TRAPPC12: variants seen among roughly 807,000 people sequenced by gnomAD.
TRAPPC12 encodes trafficking protein particle complex subunit 12.
Under a neutral mutation model 69.2 loss-of-function variants are expected in TRAPPC12, and 61 were observed. That is an observed-to-expected ratio of 0.88 (90% CI 0.72 to 1.09). TRAPPC12 has a LOEUF of 1.09. Among genes scored for constraint, TRAPPC12 ranks in the 50% least tolerant of loss-of-function variants. The pLI is 0.00. For synonymous variants in TRAPPC12, 469 were observed against 438.9 expected, an observed-to-expected ratio of 1.07 and a Z score of -0.86; for missense variants, 1,101 against 1,016.4, an observed-to-expected ratio of 1.08 and a Z score of -1.13.
rs199875537 is a variant in TRAPPC12 at position 3,479,202 on chromosome 2, C to T, written c.1966-17C>T. Reference sequence around the variant, plus strand: ...CCTGGTTGTGTGGGCCAACCCTGGGCGTGTGCTCCTCCCTAGGCCAACAAC... The same window carrying T: ...CCTGGTTGTGTGGGCCAACCCTGGGTGTGTGCTCCTCCCTAGGCCAACAAC... On this transcript the variant is annotated splice_polypyrimidine_tract_variant and intron_variant, in intron 11 of 11. Coordinates refer to ENST00000324266, the MANE Select transcript of TRAPPC12 (RefSeq NM_016030.6). 2.5e-5 allele frequency: 40 copies of T among 1,608,522 alleles called. No homozygotes were observed. The highest frequency in any genetic ancestry group is 1.6e-4 in the East Asian group (7 of 44,794).
At chr2:3,425,685 G>A (rs62120502) in intron 5 of TRAPPC12, among the ~76,000 whole-genome samples, 25,624 of 152,174 alleles carry the variant, frequency 0.17, 2,481 homozygotes, top group Non-Finnish European at 0.22. Flanking sequence ...GCATTTGTTG[G>A]CTGCAGCAGT....
chr2:3,396,104 A>T (rs1450588487), intron 2 of TRAPPC12, among the ~76,000 whole-genome samples: 1 of 152,138 alleles, frequency 6.6e-6, no homozygotes, highest in Non-Finnish European at 1.5e-5. Context: ...ACCTCAAGTG[A>T]TCTGCCCACC....
At chr2:3,415,118 G>A (rs1662298740) in intron 3 of TRAPPC12, among the ~76,000 whole-genome samples, 1 of 152,168 alleles carries the variant, frequency 6.6e-6, no homozygotes. Context: ...TGTATGTACA[G>A]ACAGTCCCCA....
chr2:3,449,927 T>G (rs1664761747), intron 6 of TRAPPC12, among the ~76,000 whole-genome samples: 1 of 152,130 alleles, frequency 6.6e-6, no homozygotes, highest in Non-Finnish European at 1.5e-5. Flanking sequence ...TCGAGGCCAC[T>G]TCCCTGCTCT....
chr2:3,451,261 G>A (rs1219292403), intron 6 of TRAPPC12, among the ~76,000 whole-genome samples: 1 of 152,174 alleles, frequency 6.6e-6, no homozygotes, highest in Non-Finnish European at 1.5e-5. Context: ...TTAGCCTGAA[G>A]CCTGTTCATC....
chr2:3,458,360 C>T, intron 7 of TRAPPC12: 1 of 985,916 alleles, frequency 1.0e-6, no homozygotes, highest in Non-Finnish European at 1.2e-6. Context: ...GTGGCAGCAT[C>T]TCCCCACAGG....
chr2:3,420,819 G>A (rs1662739455), intron 3 of TRAPPC12, among the ~76,000 whole-genome samples: 1 of 152,204 alleles, frequency 6.6e-6, no homozygotes, highest in African/African-American at 2.4e-5. Context: ...GTGCGTGTGT[G>A]AGTTAGTATA....
At chr2:3,445,718 A>G (rs1241714097) in intron 6 of TRAPPC12, among the ~76,000 whole-genome samples, 1 of 152,276 alleles carries the variant, frequency 6.6e-6, no homozygotes, top group African/African-American at 2.4e-5. Context: ...TCTAAAGTCC[A>G]TGCTCTTCAT....
chr2:3,389,491 G>T (rs993741778), intron 2 of TRAPPC12, among the ~76,000 whole-genome samples: 1 of 152,260 alleles, frequency 6.6e-6, no homozygotes, highest in Non-Finnish European at 1.5e-5. Flanking sequence ...CAGGCGAGGG[G>T]AACACCGTGG....
rs751350622 is a variant in TRAPPC12, at chr2:3,388,409, C to T, written c.786C>T (p.Pro262=). The change falls in exon 2 of 12, where the codon CCC becomes CCT. Residue 262 remains proline (P), a synonymous_variant. Coordinates refer to ENST00000324266, the MANE Select transcript of TRAPPC12 (RefSeq NM_016030.6). The part of the protein sequence containing the change: ...AVPGTEGRPE[P]VAMRGPQAAA... ...CCGGGACCGAGGGGCGCCCCGAACC[C>T]GTGGCCATGCGAGGGCCCCAGGCAG... The T allele has an allele frequency of 1.2e-6, 2 of 1,603,840 alleles. No individual in the cohort carries two copies. Among genetic ancestry groups the T allele is most frequent in the Non-Finnish European group, 8.5e-7 (1 of 1,175,292 alleles).
Position 3,444,164 on chromosome 2 carries a change from C to T in TRAPPC12, c.1530+273C>T, listed in dbSNP as rs185254333. On this transcript the variant is annotated intron_variant, in intron 6 of 11. Transcript: ENST00000324266. ...GAAGCTGAAAGGCAGAGACATCTTT[C>T]TTGCCAAGGCTGCCAGCTGAAGCTT... Among the ~76,000 whole-genome samples the T allele has an allele frequency of 7.9e-5, 12 of 152,360 alleles. No homozygotes were observed. The East Asian group carries it at 2.1e-3, about 27-fold the overall frequency.
At chr2:3,410,590 T>C (rs1178381484) in intron 3 of TRAPPC12, among the ~76,000 whole-genome samples, 1 of 152,232 alleles carries the variant, frequency 6.6e-6, no homozygotes, top group Non-Finnish European at 1.5e-5. Flanking sequence ...TATCTATACA[T>C]AGTGGGTATA....
At chr2:3,438,478 CCAG>C in intron 5 of TRAPPC12, among the ~76,000 whole-genome samples, 1 of 140,262 alleles carries the variant, frequency 7.1e-6, no homozygotes, top group African/African-American at 2.7e-5. Context: ...AATACCCCCA[CCAG>C]CCCTGGATTA....
intron 8 of TRAPPC12, among the ~76,000 whole-genome samples, chr2:3,461,721 C>A (rs1665513739): frequency 6.6e-6 from 1 of 151,546 alleles, no homozygotes; most frequent in Non-Finnish European, 1.5e-5. Context: ...GGTCCTCACC[C>A]TCCTCCCACC....
chr2:3,452,769 T>C (rs1664920903), intron 6 of TRAPPC12, among the ~76,000 whole-genome samples: 1 of 152,212 alleles, frequency 6.6e-6, no homozygotes, highest in Non-Finnish European at 1.5e-5. Flanking sequence ...CGATCCCACA[T>C]ATCGAAACCT....
intron 3 of TRAPPC12, among the ~76,000 whole-genome samples, chr2:3,409,642 C>T (rs187509255): frequency 6.0e-4 from 89 of 149,358 alleles, no homozygotes; most frequent in African/African-American, 2.1e-3. Flanking sequence ...CCCAGCTACT[C>T]GGGAAGCTGA....
intron 8 of TRAPPC12, among the ~76,000 whole-genome samples, chr2:3,461,377 C>T (rs971771780): frequency 5.3e-5 from 8 of 152,158 alleles, no homozygotes; most frequent in Non-Finnish European, 8.8e-5. Context: ...GTGCCCAGTG[C>T]GGGGCCGCTG....
intron 3 of TRAPPC12, among the ~76,000 whole-genome samples, chr2:3,402,459 C>T (rs550843126): frequency 4.6e-5 from 7 of 152,170 alleles, no homozygotes; most frequent in African/African-American, 1.2e-4. Flanking sequence ...CATGGTGGTG[C>T]GTTCCTGTAA....
chr2:3,436,527 TA>T (rs1456094892), intron 5 of TRAPPC12, among the ~76,000 whole-genome samples: 1 of 152,102 alleles, frequency 6.6e-6, no homozygotes, highest in Admixed American at 6.5e-5. Context: ...TTAATAAGTA[TA>T]AAAATTTTGC....
Sources: allele counts gnomAD v4.1 joint callset (sites outside exome capture counted in the v4.1 genomes callset), GRCh38; gene constraint gnomAD v4.1.1; transcripts MANE v1.5; gene names NCBI Gene and HGNC (gene_info 2026-07-23, HGNC 2026-07-21).